IFT88: variants seen among roughly 807,000 people sequenced by gnomAD.
The protein encoded by IFT88 is intraflagellar transport protein 88 homolog.
Under a neutral mutation model 119.5 loss-of-function variants are expected in IFT88, and 74 were observed. The ratio of observed to expected loss-of-function variants is 0.62; its 90% CI spans 0.51 to 0.75. IFT88 has a LOEUF of 0.75. Ranked by LOEUF, IFT88 falls within the 30% of genes least tolerant of loss-of-function variation. The pLI is 0.00. For missense variants in IFT88, 961 were observed against 977.7 expected (o/e 0.98, Z 0.23); for synonymous variants, 279 against 316.7 (o/e 0.88, Z 1.26).
intron 14 of IFT88, among the ~76,000 whole-genome samples, chr13:20,624,153 A>T (rs1328903509): frequency 6.6e-6 from 1 of 152,164 alleles, no homozygotes; most frequent in Non-Finnish European, 1.5e-5. Context: ...AAGAACATGT[A>T]TTCTGCTGTT....
At chr13:20,574,731 C>A (rs1378982894) in intron 2 of IFT88, among the ~76,000 whole-genome samples, 2 of 152,106 alleles carry the variant, frequency 1.3e-5, no homozygotes. Context: ...CACTAGCTAT[C>A]CAAATGTGTA....
At chr13:20,593,563 A>G (rs2041104267) in intron 7 of IFT88, among the ~76,000 whole-genome samples, 1 of 151,858 alleles carries the variant, frequency 6.6e-6, no homozygotes, top group Admixed American at 6.6e-5. Flanking sequence ...GTAATTCTTA[A>G]ACCCAGTATT....
intron 11 of IFT88, among the ~76,000 whole-genome samples, chr13:20,600,584 G>A (rs922794295): frequency 6.6e-6 from 1 of 152,178 alleles, no homozygotes; most frequent in African/African-American, 2.4e-5. Flanking sequence ...AATAAGGTGG[G>A]ATCACATCCA....
chr13:20,574,967 C>A (rs117957304), intron 2 of IFT88, among the ~76,000 whole-genome samples: 1 of 151,872 alleles, frequency 6.6e-6, no homozygotes, highest in African/African-American at 2.4e-5. Flanking sequence ...CCAAACAATC[C>A]GATTATATTC....
Position 20,641,275 on chromosome 13 carries a change from T to C in IFT88, c.1574-15T>C. On this transcript the variant is annotated splice_polypyrimidine_tract_variant and intron_variant, in intron 17 of 25. Coordinates refer to ENST00000351808, the MANE Select transcript of IFT88 (RefSeq NM_006531.5). ...TGATACTTATAGATTTTCTTTTTTT[T>C]CTTCTTTTTTTAAGGCCTTACCTAT... is the stretch of plus-strand genomic sequence containing the variant. 1.3e-6 allele frequency: 2 copies of C among 1,483,192 alleles called. No individual in the cohort carries two copies. Among genetic ancestry groups the C allele is most frequent in the Non-Finnish European group, 1.9e-6 (2 of 1,075,760 alleles). The allele number at this position is 1,483,192 out of a possible 1,614,324, so 91.9% of individuals were successfully genotyped here.
At chr13:20,678,750 A>C (rs902543206) in intron 24 of IFT88, among the ~76,000 whole-genome samples, 8 of 152,170 alleles carry the variant, frequency 5.3e-5, no homozygotes, top group African/African-American at 1.9e-4. Context: ...TGACAGGCTT[A>C]GGGCTTGCTA....
intron 14 of IFT88, among the ~76,000 whole-genome samples, chr13:20,622,362 G>A (rs2139858592): frequency 6.6e-6 from 1 of 152,188 alleles, no homozygotes; most frequent in East Asian, 1.9e-4. Flanking sequence ...CGTGATTATT[G>A]GAAATTACAG....
intron 3 of IFT88, among the ~76,000 whole-genome samples, chr13:20,584,662 C>T (rs1343376473): frequency 1.3e-5 from 2 of 152,108 alleles, no homozygotes; most frequent in Non-Finnish European, 2.9e-5. Context: ...TTTCACAGTG[C>T]ATGAAATCTG....
At chr13:20,576,348 C>T (rs191393065) in intron 2 of IFT88, among the ~76,000 whole-genome samples, 50 of 152,180 alleles carry the variant, frequency 3.3e-4, no homozygotes, top group African/African-American at 1.2e-3. Flanking sequence ...TTTCCTTTGT[C>T]GTGCAGAAGC....
At chr13:20,585,693 C>T (rs2039535772) in intron 3 of IFT88, among the ~76,000 whole-genome samples, 1 of 152,236 alleles carries the variant, frequency 6.6e-6, no homozygotes, top group Non-Finnish European at 1.5e-5. Flanking sequence ...AACAAAGACA[C>T]TCCCGTCAGG....
chr13:20,582,050 G>A (rs1248238029), intron 2 of IFT88, among the ~76,000 whole-genome samples: 2 of 151,682 alleles, frequency 1.3e-5, no homozygotes, highest in African/African-American at 2.4e-5. Context: ...ATTGACAAGT[G>A]TGTATTTTTG....
At chr13:20,643,820 C>T (rs768176037) in intron 19 of IFT88, among the ~76,000 whole-genome samples, 1 of 152,206 alleles carries the variant, frequency 6.6e-6, no homozygotes, top group Non-Finnish European at 1.5e-5. Flanking sequence ...GTGGTGCAGT[C>T]TCGGCTCACT....
At chr13:20,588,258 C>T (rs903130536) in intron 3 of IFT88, among the ~76,000 whole-genome samples, 2 of 151,954 alleles carry the variant, frequency 1.3e-5, no homozygotes, top group Non-Finnish European at 2.9e-5. Context: ...TCTAGAATTT[C>T]CATGTATATT....
Position 20,691,067 on chromosome 13 carries a change from G to C in IFT88, c.2367G>C (p.Val789=), listed in dbSNP as rs770968817. The C allele has an allele frequency of 3.1e-6, 5 of 1,613,804 alleles. No homozygotes were observed. The highest frequency in any genetic ancestry group is 3.4e-6 in the Non-Finnish European group (4 of 1,179,894). ...TTCGAAACCTAGATGCCTCCTATGT[G>C]GACCCACTTGGCCCTCAAATAGAAC... The part of the protein sequence containing the change: ...SSNKEIDASY[V]DPLGPQIERP... Residue 789 remains valine, a synonymous_variant, in exon 26 of 26, where the codon GTG becomes GTC. Coordinates refer to ENST00000351808, the MANE Select transcript of IFT88 (RefSeq NM_006531.5).
chr13:20,608,288 G>A (rs531366313), intron 13 of IFT88, among the ~76,000 whole-genome samples: 6 of 152,270 alleles, frequency 3.9e-5, no homozygotes, highest in Non-Finnish European at 7.4e-5. Flanking sequence ...CAGAAGCACC[G>A]GGGTTCCTGG....
chr13:20,595,995 C>T (rs997343891), intron 7 of IFT88, among the ~76,000 whole-genome samples, 155 bp from the exon 8 acceptor site: 13 of 151,996 alleles, frequency 8.6e-5, no homozygotes, highest in African/African-American at 3.1e-4. Context: ...CTACAGGCTG[C>T]AGTGAGCTAT....
chr13:20,603,117 C>G (rs2042872650), intron 12 of IFT88, among the ~76,000 whole-genome samples: 1 of 152,056 alleles, frequency 6.6e-6, no homozygotes, highest in African/African-American at 2.4e-5. Context: ...CAGATTTTTA[C>G]AAATAAAATA....
At chr13:20,669,066 A>T (rs1008387166) in intron 23 of IFT88, among the ~76,000 whole-genome samples, 56 of 152,198 alleles carry the variant, frequency 3.7e-4, no homozygotes, top group Non-Finnish European at 1.5e-4. Flanking sequence ...CACTGAACCA[A>T]CCGAGGCTTA....
intron 24 of IFT88, 54 bp from the exon 25 acceptor site, chr13:20,690,650 GT>G: frequency 8.4e-7 from 1 of 1,194,586 alleles, no homozygotes; most frequent in Non-Finnish European, 1.2e-6. Context: ...GCATAATGTA[GT>G]TTTATGTTTT....
Sources: gnomAD v4.1 joint callset for allele counts (sites outside exome capture counted in the v4.1 genomes callset) on GRCh38, gnomAD v4.1.1 for gene constraint, MANE v1.5 for transcripts, NCBI Gene and HGNC (gene_info 2026-07-23, HGNC 2026-07-21) for gene names.